Variants in SLC25A16 observed in about 807,000 individuals in gnomAD.
SLC25A16 encodes the protein solute carrier family 25 member 16.
A neutral mutation model predicts 41.5 loss-of-function variants in SLC25A16; 39 were observed. The observed-to-expected ratio is 0.94, with a 90% CI of 0.73 to 1.23. The LOEUF (loss-of-function observed/expected upper bound fraction) is 1.23. Among genes scored for constraint, SLC25A16 ranks in the 50% most tolerant of loss-of-function variants. SLC25A16 has a pLI of 0.00. For missense variants in SLC25A16, 421 were observed against 426.9 expected, an observed-to-expected ratio of 0.99 and a Z score of 0.12; for synonymous variants, 146 against 147.8, an observed-to-expected ratio of 0.99 and a Z score of 0.09.
chr10:68,493,229 T>C (rs773830452), intron 5 of SLC25A16, 31 bp from the exon 6 acceptor site: 6 of 1,446,154 alleles, frequency 4.1e-6, no homozygotes, highest in Non-Finnish European at 5.7e-6. Flanking sequence ...GCAAGTGAGA[T>C]TACATTGTGC....
At chr10:68,499,689 TG>T in intron 4 of SLC25A16, 1 of 356,562 alleles carries the variant, frequency 2.8e-6, no homozygotes. Context: ...CGAAAGGTTT[TG>T]ATGAAGGTCA....
At position 68,486,731 on chromosome 10, in the gene SLC25A16, A is replaced by G. The variant is rs558219438; in HGVS notation, c.842+413T>C. Among the ~76,000 whole-genome samples, 7 of 151,896 alleles carry G rather than the reference A, an allele frequency of 4.6e-5. No individual in the cohort carries two copies. In the South Asian group the frequency reaches 1.5e-3, roughly 32 times the overall value. ...CTGATTATAGACCAGGCAGGCAGGC[A>G]GATCACTTGAGGTCAGGAGTTCAAG... On this transcript the variant is annotated intron_variant, in intron 8 of 8. Transcript: ENST00000609923.
At chr10:68,496,807 G>T (rs1160536698) in intron 4 of SLC25A16, 1 of 599,248 alleles carries the variant, frequency 1.7e-6, no homozygotes, top group Non-Finnish European at 2.1e-6. Flanking sequence ...AAACACAAAA[G>T]ACTTTTTTTC....
chr10:68,512,035 T>TTAG (rs956895198), intron 2 of SLC25A16, among the ~76,000 whole-genome samples: 1 of 152,102 alleles, frequency 6.6e-6, no homozygotes, highest in African/African-American at 2.4e-5. Context: ...TTTTGTATTT[T>TTAG]TAGTAGAGAC....
chr10:68,524,754 T>A (rs913797266), intron 1 of SLC25A16, among the ~76,000 whole-genome samples: 2 of 149,896 alleles, frequency 1.3e-5, no homozygotes, highest in East Asian at 2.0e-4. Context: ...GGTGCACGCC[T>A]GTAATCCCAG....
At chr10:68,492,983 A>G (rs1168493450) in intron 6 of SLC25A16, 149 bp downstream of exon 6, 25 of 611,098 alleles carry the variant, frequency 4.1e-5, no homozygotes, top group Non-Finnish European at 7.2e-5. Context: ...CTTTATATCC[A>G]AGATATTATT....
chr10:68,506,111 A>G (rs562263461), intron 3 of SLC25A16, among the ~76,000 whole-genome samples: 6 of 152,202 alleles, frequency 3.9e-5, no homozygotes, highest in Non-Finnish European at 8.8e-5. Context: ...TCCAAAGACA[A>G]GTTATATTTA....
intron 6 of SLC25A16, among the ~76,000 whole-genome samples, chr10:68,492,503 T>G (rs1487730526): frequency 6.6e-6 from 1 of 151,978 alleles, no homozygotes; most frequent in African/African-American, 2.4e-5. Context: ...GCACGGTGGC[T>G]AATGCCTGCA....
chr10:68,483,189 G>A lies in SLC25A16; in HGVS notation c.*243C>T, dbSNP rs4350264. 29,816 of 312,334 alleles carry A rather than the reference G, an allele frequency of 0.095. 1,857 individuals carry two copies. The highest frequency in any genetic ancestry group is 0.24 in the South Asian group (2,056 of 8,604). 19.3% of individuals were successfully genotyped at this position (312,334 alleles called of 1,614,324 possible). The stretch of plus-strand genomic sequence containing the variant: ...CTACTTCCAAATAAAACTTTAAAGC[G>A]GTTTAGCCAGCATCAGCTTAGGAAT... On this transcript the variant is annotated 3_prime_UTR_variant, in exon 9 of 9. Coordinates refer to ENST00000609923, the MANE Select transcript of SLC25A16 (RefSeq NM_152707.4).
At chr10:68,510,296 C>G (rs2053038792) in intron 2 of SLC25A16, among the ~76,000 whole-genome samples, 1 of 151,764 alleles carries the variant, frequency 6.6e-6, no homozygotes, top group Admixed American at 6.6e-5. Context: ...CTTTGAGAGG[C>G]CAAAGTGGGT....
At chr10:68,524,101 G>A (rs953661730) in intron 1 of SLC25A16, among the ~76,000 whole-genome samples, 3 of 151,890 alleles carry the variant, frequency 2.0e-5, no homozygotes, top group Admixed American at 2.0e-4. Context: ...ACGAGGTCAG[G>A]AGATCGAGAC....
chr10:68,480,500 T>A lies in SLC25A16; in HGVS notation c.*2932A>T, dbSNP rs2133469503. On this transcript the variant is annotated 3_prime_UTR_variant, in exon 9 of 9. Coordinates refer to ENST00000609923, the MANE Select transcript of SLC25A16 (RefSeq NM_152707.4). Reference sequence around the variant, plus strand: ...ACCTAACTGAGGTATCTTTTTTTTTTTTTTTTTTTTTTTTGAGATGGAGTC... The same window carrying A: ...ACCTAACTGAGGTATCTTTTTTTTTATTTTTTTTTTTTTTGAGATGGAGTC... 1 of 141,894 alleles carries A rather than the reference T, an allele frequency of 7.0e-6. No homozygotes were observed. The highest frequency in any genetic ancestry group is 2.0e-4 in the East Asian group (1 of 4,886). 8.8% of individuals were successfully genotyped at this position (141,894 alleles called of 1,614,324 possible).
rs1002777689 is a variant in SLC25A16 at position 68,481,985 on chromosome 10, GGGCAGATCATGA to G, written c.*1435_*1446del. On this transcript the variant is annotated 3_prime_UTR_variant, in exon 9 of 9. Coordinates refer to ENST00000609923, the MANE Select transcript of SLC25A16 (RefSeq NM_152707.4). ...TCTCAGCACTTTGGGAGACCAAGGT[GGGCAGATCATGA>G]GGTTCAGGAGATCGAGGCCATCCTG... The G allele has an allele frequency of 7.0e-6, 1 of 143,182 alleles. No individual in the cohort carries two copies. Among genetic ancestry groups the G allele is most frequent in the African/African-American group, 2.8e-5 (1 of 35,788 alleles). The allele number at this position is 143,182 out of a possible 1,614,324, so 8.9% of individuals were successfully genotyped here. A position where few individuals can be genotyped will look rare whatever the true frequency, so the allele number is the denominator to read the frequency against.
rs754605812 is a variant in SLC25A16 at position 68,527,429 on chromosome 10, G to T, written c.-54C>A. The T allele has an allele frequency of 3.5e-6, 5 of 1,417,846 alleles. No homozygotes were observed. Among genetic ancestry groups the T allele is most frequent in the Non-Finnish European group, 9.1e-7 (1 of 1,094,676 alleles). 87.8% of individuals were successfully genotyped at this position (1,417,846 alleles called of 1,614,324 possible). A position where few individuals can be genotyped will look rare whatever the true frequency, so the allele number is the denominator to read the frequency against. On this transcript the variant is annotated 5_prime_UTR_variant, in exon 1 of 9. Transcript: ENST00000609923. ...GTTGCCAACTTACAGAACACCGGACGGGACCATAGCCGGAACAGGCGGTGA... is the reference window on the plus strand; with the variant it reads ...GTTGCCAACTTACAGAACACCGGACTGGACCATAGCCGGAACAGGCGGTGA...
intron 3 of SLC25A16, among the ~76,000 whole-genome samples, chr10:68,505,559 A>AC (rs34160913): frequency 0.24 from 37,156 of 151,866 alleles, 5,238 homozygotes; most frequent in Admixed American, 0.35. Context: ...AGATCACCTG[A>AC]ATCAGGAGTT....
intron 8 of SLC25A16, among the ~76,000 whole-genome samples, chr10:68,485,093 CT>C (rs1408927273): frequency 6.6e-6 from 1 of 151,986 alleles, no homozygotes; most frequent in Non-Finnish European, 1.5e-5. Context: ...ATTTTTTCTT[CT>C]TTTTCTTTTC....
intron 1 of SLC25A16, chr10:68,517,046 T>C: frequency 1.6e-6 from 2 of 1,245,328 alleles, no homozygotes; most frequent in Non-Finnish European, 1.0e-6. Context: ...TAAAACTTAC[T>C]AAAACAAATT....
rs572499588 is a variant in SLC25A16 at position 68,480,784 on chromosome 10, C to G, written c.*2648G>C. The G allele has an allele frequency of 6.6e-6, 1 of 151,994 alleles. No individual in the cohort carries two copies. Among genetic ancestry groups the G allele is most frequent in the Admixed American group, 6.6e-5 (1 of 15,242 alleles). The allele number at this position is 151,994 out of a possible 1,614,324, so 9.4% of individuals were successfully genotyped here. Reference sequence around the variant, plus strand: ...GTGCTGAGATTACAGGGGTGAGCCACCATGCCCGGCTCAATACTTATTTTA... The same window carrying G: ...GTGCTGAGATTACAGGGGTGAGCCAGCATGCCCGGCTCAATACTTATTTTA... On this transcript the variant is annotated 3_prime_UTR_variant, in exon 9 of 9. Coordinates refer to ENST00000609923, the MANE Select transcript of SLC25A16 (RefSeq NM_152707.4).
intron 1 of SLC25A16, among the ~76,000 whole-genome samples, chr10:68,519,150 C>A (rs2053210130): frequency 6.6e-6 from 1 of 151,740 alleles, no homozygotes; most frequent in Non-Finnish European, 1.5e-5. Flanking sequence ...CGAGATCACA[C>A]CATTGCACTC....
Sources: allele counts gnomAD v4.1 joint callset (sites outside exome capture counted in the v4.1 genomes callset), GRCh38; gene constraint gnomAD v4.1.1; transcripts MANE v1.5; gene names NCBI Gene and HGNC (gene_info 2026-07-23, HGNC 2026-07-21).